LPP: variants seen among roughly 807,000 people sequenced by gnomAD.
LPP encodes lipoma-preferred partner.
A neutral mutation model predicts 60.4 loss-of-function variants in LPP; 38 were observed. The observed-to-expected ratio is 0.63, with a 90% CI of 0.49 to 0.83. The LOEUF (loss-of-function observed/expected upper bound fraction) is 0.83, where lower values mean the gene tolerates loss of function less well. Among genes scored for constraint, LPP ranks in the 40% least tolerant of loss-of-function variants. The probability of loss-of-function intolerance (pLI) is 0.00; values close to 1 mark genes in which losing one functional copy is unlikely to be tolerated. For missense variants in LPP, 902 were observed against 783.6 expected (o/e 1.15, Z -1.80); for synonymous variants, 328 against 290.8 (o/e 1.13, Z -1.30).
chr3:188,835,307 A>C (rs1419510161), intron 9 of LPP, among the ~76,000 whole-genome samples: 1 of 151,636 alleles, frequency 6.6e-6, no homozygotes, highest in East Asian at 1.9e-4. Context: ...AAATACAAAA[A>C]AAAAAAAAAA....
At position 188,498,791 on chromosome 3, in the gene LPP, G is replaced by C. The variant is rs1256253764; in HGVS notation, c.306+14087G>C. On this transcript the variant is annotated intron_variant, in intron 5 of 11. Coordinates refer to ENST00000617246, the MANE Select transcript of LPP (RefSeq NM_001375462.1). ...TTCCTCACAACAGCACACGAGTTCT[G>C]ATTTCTCCACGTCCTTGCCGACACT... is the stretch of plus-strand genomic sequence containing the variant. Among the ~76,000 whole-genome samples, 3 of 152,226 alleles carry C rather than the reference G, an allele frequency of 2.0e-5. No homozygotes were observed. The East Asian group carries it at 5.8e-4, about 29-fold the overall frequency.
intron 2 of LPP, among the ~76,000 whole-genome samples, chr3:188,333,767 GT>G (rs1238496106): frequency 6.6e-6 from 1 of 152,046 alleles, no homozygotes; most frequent in African/African-American, 2.4e-5. Flanking sequence ...AATTGTACAT[GT>G]TTACGGGGTA....
At chr3:188,643,767 G>C (rs1461698656) in intron 7 of LPP, among the ~76,000 whole-genome samples, 1 of 152,100 alleles carries the variant, frequency 6.6e-6, no homozygotes, top group Non-Finnish European at 1.5e-5. Context: ...CTATGTGCTA[G>C]GATTTCTGTT....
At chr3:188,407,790 T>TTTTTTTTTG (rs1783976254) in intron 4 of LPP, among the ~76,000 whole-genome samples, 3 of 76,334 alleles carry the variant, frequency 3.9e-5, no homozygotes, top group East Asian at 4.9e-4. Context: ...GTTTGTTTGT[T>TTTTTTTTTG]TTTTTTTTTT....
chr3:188,229,132 G>C (rs932043844), intron 2 of LPP, among the ~76,000 whole-genome samples: 17 of 152,146 alleles, frequency 1.1e-4, no homozygotes, highest in Non-Finnish European at 7.3e-5. Flanking sequence ...AATTGAAATA[G>C]AATTATGTAT....
At position 188,886,737 on chromosome 3, in the gene LPP, TACACACACAC is replaced by T. The variant is rs755287902; in HGVS notation, c.*12277_*12286del. The T allele has an allele frequency of 2.6e-5, 5 of 190,420 alleles. No homozygotes were observed. Among genetic ancestry groups the T allele is most frequent in the Non-Finnish European group, 3.9e-5 (4 of 102,606 alleles). The allele number at this position is 190,420 out of a possible 1,614,324, so 11.8% of individuals were successfully genotyped here. A position where few individuals can be genotyped will look rare whatever the true frequency, so the allele number is the denominator to read the frequency against. ...TCTTCAAAACACACACACACACACA[TACACACACAC>T]ACACACACACACACACACCCCTTCC... On this transcript the variant is annotated 3_prime_UTR_variant, in exon 12 of 12. Transcript: ENST00000617246.
intron 2 of LPP, among the ~76,000 whole-genome samples, chr3:188,255,497 C>T (rs1382097535): frequency 6.6e-6 from 1 of 152,118 alleles, no homozygotes; most frequent in Non-Finnish European, 1.5e-5. Flanking sequence ...TCAGCTTGGT[C>T]CTATGAAACC....
At chr3:188,176,207 C>T (rs931553103) in intron 1 of LPP, among the ~76,000 whole-genome samples, 4 of 152,006 alleles carry the variant, frequency 2.6e-5, no homozygotes, top group African/African-American at 4.8e-5. Flanking sequence ...GTAAATCAGG[C>T]GGGACCCCTG....
chr3:188,214,183 T>G (rs1577329692), intron 1 of LPP, among the ~76,000 whole-genome samples: 1 of 151,804 alleles, frequency 6.6e-6, no homozygotes, highest in Admixed American at 6.6e-5. Context: ...CTGGCTGGAG[T>G]GCAATGGCGC....
chr3:188,385,975 C>T (rs967620173), intron 3 of LPP, among the ~76,000 whole-genome samples: 1 of 152,116 alleles, frequency 6.6e-6, no homozygotes, highest in African/African-American at 2.4e-5. Context: ...TCAAATTTTA[C>T]TTGGCTTCTC....
chr3:188,214,970 G>T (rs1039507075), intron 1 of LPP, among the ~76,000 whole-genome samples: 3 of 152,038 alleles, frequency 2.0e-5, no homozygotes, highest in African/African-American at 7.2e-5. Flanking sequence ...TTTTAATTTT[G>T]GTGTAATACA....
chr3:188,299,472 T>G (rs1263342050), intron 2 of LPP, among the ~76,000 whole-genome samples: 1 of 152,230 alleles, frequency 6.6e-6, no homozygotes, highest in African/African-American at 2.4e-5. Flanking sequence ...TCTGATTCCC[T>G]TTCTAGGTCA....
intron 6 of LPP, among the ~76,000 whole-genome samples, chr3:188,538,076 G>A (rs1824125880): frequency 6.6e-6 from 1 of 152,176 alleles, no homozygotes; most frequent in Non-Finnish European, 1.5e-5. Context: ...CATAGTGTAA[G>A]ACACAAATGT....
chr3:188,506,462 A>T (rs1813485800), intron 5 of LPP, among the ~76,000 whole-genome samples: 1 of 152,182 alleles, frequency 6.6e-6, no homozygotes. Context: ...ATGTACATTA[A>T]TCTTGCCACC....
rs1560567272 is a variant in LPP, at chr3:188,562,074, GA to G, written c.429+37288del. Reference sequence around the variant, plus strand: ...ACACAGACACACACAGACACACACAGACACACACACACATACAAACACACAC... The same window carrying G: ...ACACAGACACACACAGACACACACAGCACACACACACATACAAACACACAC... On this transcript the variant is annotated intron_variant, in intron 6 of 11. Transcript: ENST00000617246. Among the ~76,000 whole-genome samples the G allele has an allele frequency of 3.2e-4, 16 of 50,568 alleles. No individual in the cohort carries two copies. The East Asian group carries it at 0.052, about 163-fold the overall frequency. The allele number at this position is 50,568 out of a possible 152,430, so 33.2% of individuals were successfully genotyped here. A position where few individuals can be genotyped will look rare whatever the true frequency, so the allele number is the denominator to read the frequency against.
chr3:188,615,770 G>C (rs62291687), intron 7 of LPP, among the ~76,000 whole-genome samples: 2 of 152,134 alleles, frequency 1.3e-5, no homozygotes, highest in Non-Finnish European at 2.9e-5. Context: ...TTTAATAATA[G>C]CCATTCTGAC....
intron 3 of LPP, among the ~76,000 whole-genome samples, chr3:188,365,887 C>T (rs1167832831): frequency 3.3e-5 from 5 of 152,114 alleles, no homozygotes; most frequent in African/African-American, 1.2e-4. Flanking sequence ...TCACAGTTAC[C>T]TTTCTGTGTA....
chr3:188,239,726 A>G (rs1489561554), intron 2 of LPP: 4 of 217,562 alleles, frequency 1.8e-5, no homozygotes, highest in Non-Finnish European at 3.7e-5. Flanking sequence ...CCTGGAAATA[A>G]ACAAATAAAC....
intron 4 of LPP, among the ~76,000 whole-genome samples, chr3:188,476,431 T>C (rs541745971): frequency 5.9e-5 from 9 of 152,306 alleles, no homozygotes; most frequent in African/African-American, 1.9e-4. Context: ...TTCCTTAACA[T>C]GCTCCTCTGC....
Sources: allele counts gnomAD v4.1 joint callset (sites outside exome capture counted in the v4.1 genomes callset), GRCh38; gene constraint gnomAD v4.1.1; transcripts MANE v1.5; gene names NCBI Gene and HGNC (gene_info 2026-07-23, HGNC 2026-07-21).